UNC5D: variants seen among roughly 807,000 people sequenced by gnomAD.
UNC5D encodes the protein netrin receptor UNC5D.
A neutral mutation model predicts 105.4 loss-of-function variants in UNC5D; 39 were observed. The observed-to-expected ratio is 0.37, with a 90% CI of 0.29 to 0.48. The LOEUF is 0.48. Ranked by LOEUF, UNC5D falls within the 20% of genes least tolerant of loss-of-function variation. The pLI is 0.98. For missense variants in UNC5D, 991 were observed against 1,202.4 expected (o/e 0.82, Z 2.60); for synonymous variants, 452 against 450.4 (o/e 1.00, Z -0.04).
intron 2 of UNC5D, among the ~76,000 whole-genome samples, chr8:35,561,194 G>T (rs1408877999): frequency 6.6e-6 from 1 of 152,106 alleles, no homozygotes; most frequent in Non-Finnish European, 1.5e-5. Context: ...CCATTTCTAT[G>T]GAGCTCTTAT....
At chr8:35,684,398 G>A (rs952728610) in intron 5 of UNC5D, among the ~76,000 whole-genome samples, 184 bp from the exon 6 acceptor site, 1 of 152,036 alleles carries the variant, frequency 6.6e-6, no homozygotes, top group Non-Finnish European at 1.5e-5. Context: ...AGATGAATAG[G>A]CTGAGGACTG....
chr8:35,569,857 C>A (rs762949190), intron 3 of UNC5D, among the ~76,000 whole-genome samples: 3 of 152,108 alleles, frequency 2.0e-5, no homozygotes, highest in African/African-American at 7.2e-5. Context: ...TCAATATAGA[C>A]CCCCTCAATT....
intron 1 of UNC5D, among the ~76,000 whole-genome samples, chr8:35,467,215 C>A (rs1174875202): frequency 6.6e-6 from 1 of 152,094 alleles, no homozygotes; most frequent in Non-Finnish European, 1.5e-5. Context: ...AACTCAAGTG[C>A]CAGTTGTCTT....
At chr8:35,507,622 GGGGGAGGTAAA>G (rs1321948693) in intron 1 of UNC5D, among the ~76,000 whole-genome samples, 1 of 151,970 alleles carries the variant, frequency 6.6e-6, no homozygotes, top group African/African-American at 2.4e-5. Context: ...GTGGGGTGAT[GGGGGAGGTAAA>G]GGGGAGGTGG....
At chr8:35,545,751 TC>T (rs1815619419) in intron 1 of UNC5D, among the ~76,000 whole-genome samples, 1 of 152,148 alleles carries the variant, frequency 6.6e-6, no homozygotes, top group Admixed American at 6.6e-5. Flanking sequence ...TCCCTCACCT[TC>T]CCACTGCCAC....
At chr8:35,599,480 T>C (rs1308618819) in intron 4 of UNC5D, among the ~76,000 whole-genome samples, 2 of 152,188 alleles carry the variant, frequency 1.3e-5, no homozygotes, top group South Asian at 2.1e-4. Context: ...ATGAAAAATA[T>C]ATACAATTTG....
intron 4 of UNC5D, among the ~76,000 whole-genome samples, chr8:35,651,358 G>A (rs1245243385): frequency 6.6e-6 from 1 of 152,042 alleles, no homozygotes; most frequent in East Asian, 1.9e-4. Flanking sequence ...AAGGATGAAG[G>A]GAATGATGTA....
intron 4 of UNC5D, among the ~76,000 whole-genome samples, chr8:35,607,847 C>G (rs535827684): frequency 6.6e-6 from 1 of 151,656 alleles, no homozygotes; most frequent in East Asian, 2.0e-4. Flanking sequence ...TTAACCCTAA[C>G]CCTAACCCCT....
At chr8:35,439,019 GTTCATACATTGA>G (rs1267066532) in intron 1 of UNC5D, among the ~76,000 whole-genome samples, 2 of 151,732 alleles carry the variant, frequency 1.3e-5, no homozygotes, top group African/African-American at 4.8e-5. Context: ...GACAGCTCTG[GTTCATACATTGA>G]TTTTTTTTTT....
chr8:35,426,284 G>T (rs1447890597), intron 1 of UNC5D, among the ~76,000 whole-genome samples: 1 of 152,018 alleles, frequency 6.6e-6, no homozygotes, highest in African/African-American at 2.4e-5. Context: ...ACTGTCCTTT[G>T]AATGGAATTC....
chr8:35,361,497 G>A (rs1401823202), intron 1 of UNC5D, among the ~76,000 whole-genome samples: 1 of 152,136 alleles, frequency 6.6e-6, no homozygotes, highest in Non-Finnish European at 1.5e-5. Flanking sequence ...TTATCTCAGA[G>A]ACCATCAGGA....
intron 1 of UNC5D, among the ~76,000 whole-genome samples, chr8:35,346,727 C>A (rs1450284617): frequency 6.6e-6 from 1 of 151,830 alleles, no homozygotes; most frequent in Non-Finnish European, 1.5e-5. Context: ...GAATGAGTTG[C>A]TTATTTTGAC....
At chr8:35,772,374 T>C (rs1212760996) in intron 15 of UNC5D, among the ~76,000 whole-genome samples, 1 of 152,232 alleles carries the variant, frequency 6.6e-6, no homozygotes, top group African/African-American at 2.4e-5. Context: ...TCAATCAGTT[T>C]TCTCAATTAA....
At chr8:35,487,464 C>T (rs1303518471) in intron 1 of UNC5D, among the ~76,000 whole-genome samples, 2 of 151,994 alleles carry the variant, frequency 1.3e-5, no homozygotes, top group Non-Finnish European at 2.9e-5. Context: ...TCCCTGGATC[C>T]CCAGCCTGCC....
In UNC5D at chr8:35,453,806, C is replaced by T. The variant is rs575661830; in HGVS notation, c.104-95486C>T. Among the ~76,000 whole-genome samples, 54 of 152,226 alleles carry T rather than the reference C, an allele frequency of 3.5e-4. No individual in the cohort carries two copies. In the South Asian group the frequency reaches 0.011, roughly 31 times the overall value. ...GTAAGACATCTGCCACCCACCCACT[C>T]TCCTGCCTACCAGGACATTCCTCAT... On this transcript the variant is annotated intron_variant, in intron 1 of 16. Coordinates refer to ENST00000404895, the MANE Select transcript of UNC5D (RefSeq NM_080872.4).
Position 35,458,813 on chromosome 8 carries a change from C to A in UNC5D, c.104-90479C>A, listed in dbSNP as rs143861925. On this transcript the variant is annotated intron_variant, in intron 1 of 16. Coordinates refer to ENST00000404895, the MANE Select transcript of UNC5D (RefSeq NM_080872.4). ...AAATTTCTACACAATCCAAAATGATCCAAGAATCTCATGAAAGGCTGGTAA... is the reference window on the plus strand; with the variant it reads ...AAATTTCTACACAATCCAAAATGATACAAGAATCTCATGAAAGGCTGGTAA... Among the ~76,000 whole-genome samples, 224 of 152,204 alleles carry A rather than the reference C, an allele frequency of 1.5e-3. 1 individual carries two copies. Among genetic ancestry groups the A allele is most frequent in the African/African-American group, 5.1e-3 (212 of 41,520 alleles).
At chr8:35,707,577 T>C (rs1004040790) in intron 8 of UNC5D, among the ~76,000 whole-genome samples, 7 of 152,166 alleles carry the variant, frequency 4.6e-5, no homozygotes, top group Admixed American at 1.3e-4. Flanking sequence ...GTAAGTGGAC[T>C]CTTACCTTGC....
chr8:35,469,630 T>G (rs763080523), intron 1 of UNC5D, among the ~76,000 whole-genome samples: 2 of 152,184 alleles, frequency 1.3e-5, no homozygotes, highest in Non-Finnish European at 2.9e-5. Flanking sequence ...GCTCAATTAC[T>G]TTGCAGAGAA....
intron 2 of UNC5D, among the ~76,000 whole-genome samples, chr8:35,561,933 G>A (rs7832996): frequency 0.031 from 4,762 of 152,116 alleles, 186 homozygotes; most frequent in African/African-American, 0.094. Flanking sequence ...ATAGATTATC[G>A]TTAACTAGTC....
Sources: gnomAD v4.1 joint callset for allele counts (sites outside exome capture counted in the v4.1 genomes callset) on GRCh38, gnomAD v4.1.1 for gene constraint, MANE v1.5 for transcripts, NCBI Gene and HGNC (gene_info 2026-07-23, HGNC 2026-07-21) for gene names.